KLC2: variants seen among roughly 807,000 people sequenced by gnomAD.
The protein encoded by KLC2 is kinesin light chain 2.
KLC2 carries 35 observed loss-of-function variants against 75.1 expected under a neutral mutation model. The observed-to-expected ratio is 0.47, with a 90% confidence interval of 0.36 to 0.62. The LOEUF (loss-of-function observed/expected upper bound fraction) is 0.62. KLC2 is among the 20% of genes least tolerant of loss of function. The pLI, the probability that KLC2 is intolerant of heterozygous loss-of-function variation, is 0.00. For missense variants in KLC2, 611 were observed against 833.2 expected (o/e 0.73, Z 3.28); for synonymous variants, 314 against 336.7 (o/e 0.93, Z 0.74).
At chr11:66,251,720 C>T in the KLC2 span, among the ~76,000 whole-genome samples, 7 of 152,102 alleles carry the variant, frequency 4.6e-5, no homozygotes, top group Admixed American at 2.0e-4. Context: ...TACAGTGAGC[C>T]GAGACAATGC....
At position 66,258,571 on chromosome 11, in the gene KLC2, C is replaced by T. The variant is rs974260921; in HGVS notation, c.-11-13C>T. 1.3e-5 allele frequency: 20 copies of T among 1,582,116 alleles called. No homozygotes were observed. The African/African-American group carries it at 2.3e-4, about 18-fold the overall frequency. On this transcript the variant is annotated splice_polypyrimidine_tract_variant and intron_variant, in intron 1 of 15. Transcript: ENST00000394067. ...GGCCCGGCGCCCGCCTGCCCGCACC[C>T]TCGTCCTCACAGACGCCACAGCCAT... is the stretch of plus-strand genomic sequence containing the variant.
the KLC2 span, among the ~76,000 whole-genome samples, chr11:66,250,931 G>C: frequency 3.3e-5 from 5 of 152,362 alleles, no homozygotes; most frequent in African/African-American, 1.2e-4. Context: ...AGCAAGGACT[G>C]CACACTCTGT....
chr11:66,263,149 C>T, intron 5 of KLC2, 113 bp downstream of exon 5: 1 of 726,538 alleles, frequency 1.4e-6, no homozygotes, highest in South Asian at 1.7e-5. Context: ...TGGAGCTGGG[C>T]TACAGATGCA....
upstream of KLC2, among the ~76,000 whole-genome samples, chr11:66,253,264 C>T (rs992818481): frequency 3.9e-5 from 6 of 152,234 alleles, no homozygotes; most frequent in African/African-American, 1.2e-4. Flanking sequence ...CCACTGTGCC[C>T]GGCCATATCT....
chr11:66,253,972 C>T (rs1180589979), upstream of KLC2, among the ~76,000 whole-genome samples: 2 of 152,340 alleles, frequency 1.3e-5, no homozygotes, highest in South Asian at 2.1e-4. Context: ...GCTCCTTGGC[C>T]GGGCGCAGTG....
At chr11:66,256,730 T>C (rs757080425), upstream of KLC2, among the ~76,000 whole-genome samples, 1 of 152,198 alleles carries the variant, frequency 6.6e-6, no homozygotes, top group Non-Finnish European at 1.5e-5. Flanking sequence ...GTAACTGAGA[T>C]GTGTAAAATA....
At chr11:66,259,668 G>T (rs1382266513) in intron 2 of KLC2, 1 of 152,234 alleles carries the variant, frequency 6.6e-6, no homozygotes, top group East Asian at 1.9e-4. Flanking sequence ...ACTCTCTCTG[G>T]CTGAGATGTG....
At position 66,264,234 on chromosome 11, in the gene KLC2, A is replaced by G. The variant is rs1856648753; in HGVS notation, c.1116+15A>G. 6.4e-7 allele frequency: 1 copy of G among 1,568,902 alleles called. No homozygotes were observed. The highest frequency in any genetic ancestry group is 8.7e-7 in the Non-Finnish European group (1 of 1,155,804). On this transcript the variant is annotated intron_variant, in intron 8 of 15. Coordinates refer to ENST00000394067, the MANE Select transcript of KLC2 (RefSeq NM_001318734.2). ...AGAACAACCTGGTACCTTGGGGCTG[A>G]GAGGAGCTGGAGGATGGGAAGGAGG...
the KLC2 span, among the ~76,000 whole-genome samples, chr11:66,246,703 C>T: frequency 2.0e-5 from 3 of 152,186 alleles, no homozygotes; most frequent in African/African-American, 4.8e-5. Flanking sequence ...GTGTGTTCCC[C>T]GTCTCCACTT....
chr11:66,251,020 A>C, the KLC2 span, among the ~76,000 whole-genome samples: 1 of 152,234 alleles, frequency 6.6e-6, no homozygotes, highest in African/African-American at 2.4e-5. Context: ...TCCTTAATAC[A>C]ACACACCGGG....
At chr11:66,251,475 G>A in the KLC2 span, among the ~76,000 whole-genome samples, 6 of 129,686 alleles carry the variant, frequency 4.6e-5, 1 homozygote, top group African/African-American at 1.3e-4. Context: ...CTGGGCAGGC[G>A]ACAGAGTGAG....
intron 4 of KLC2, 112 bp from the exon 5 acceptor site, chr11:66,262,702 T>C: frequency 1.4e-6 from 1 of 736,490 alleles, no homozygotes. Flanking sequence ...GAAAGAGTGG[T>C]TAGTGACTTG....
At chr11:66,266,265 G>T in intron 14 of KLC2, 48 bp downstream of exon 14, 1 of 1,563,872 alleles carries the variant, frequency 6.4e-7, no homozygotes, top group South Asian at 1.2e-5. Context: ...AGCAACCCCG[G>T]ATGAGCTCCT....
chr11:66,263,854 G>C lies in KLC2; in HGVS notation c.844G>C (p.Ala282Pro). Residue 282 changes from alanine (A) to proline (P), a missense_variant, in exon 7 of 16, where the codon GCT (alanine) becomes CCT (proline). By Grantham distance (27) the Ala-to-Pro change is conservative. Coordinates refer to ENST00000394067, the MANE Select transcript of KLC2 (RefSeq NM_001318734.2). ...GCTTCCGTTCTCCCACCTCCAGGTGGCTGCGACACTAAACAACCTGGCAGT... is the reference window on the plus strand; with the variant it reads ...GCTTCCGTTCTCCCACCTCCAGGTGCCTGCGACACTAAACAACCTGGCAGT... ...KTLGKDHPAV[A>P]ATLNNLAVLY... 1 of 1,614,010 alleles carries C rather than the reference G, an allele frequency of 6.2e-7. No individual in the cohort carries two copies. Among genetic ancestry groups the C allele is most frequent in the Non-Finnish European group, 8.5e-7 (1 of 1,179,846 alleles).
the KLC2 span, chr11:66,245,105 C>G: frequency 6.6e-6 from 1 of 152,302 alleles, no homozygotes; most frequent in South Asian, 2.1e-4. Flanking sequence ...CCAGTGGGGT[C>G]TTTGCCTCTG....
At chr11:66,250,964 G>A in the KLC2 span, among the ~76,000 whole-genome samples, 20 of 152,320 alleles carry the variant, frequency 1.3e-4, no homozygotes, top group African/African-American at 4.8e-4. Flanking sequence ...GGGAGCTGGC[G>A]AAGGGACCTA....
At position 66,266,028 on chromosome 11, in the gene KLC2, G is replaced by C. The variant is rs781157336; in HGVS notation, c.1602+16G>C. The C allele has an allele frequency of 1.9e-6, 3 of 1,613,390 alleles. No homozygotes were observed. Among genetic ancestry groups the C allele is most frequent in the Middle Eastern group, 3.3e-4 (2 of 6,058 alleles). ...GTGGAATGGGGTGAGTCCGGGGCCTGGGCCGGGTCGGGCTGGGAGCCTAGG... is the reference window on the plus strand; with the variant it reads ...GTGGAATGGGGTGAGTCCGGGGCCTCGGCCGGGTCGGGCTGGGAGCCTAGG... On this transcript the variant is annotated intron_variant, in intron 13 of 15. Coordinates refer to ENST00000394067, the MANE Select transcript of KLC2 (RefSeq NM_001318734.2).
In KLC2 at chr11:66,264,149, G is replaced by A. The variant is rs1216768870; in HGVS notation, c.1046G>A (p.Arg349Gln). 2.5e-6 allele frequency: 4 copies of A among 1,578,608 alleles called. No individual in the cohort carries two copies. Among genetic ancestry groups the A allele is most frequent in the Non-Finnish European group, 3.4e-6 (4 of 1,161,232 alleles). The part of the protein sequence containing the change: ...KAEEVEYYYR[R>Q]ALEIYATRLG... ...GAGGAGGTGGAATATTACTATCGGC[G>A]GGCACTGGAGATCTATGCTACACGC... Residue 349 changes from arginine (R) to glutamine (Q), a missense_variant, in exon 8 of 16, where the codon CGG becomes CAG. By Grantham distance (43) the Arg-to-Gln change is conservative. Coordinates refer to ENST00000394067, the MANE Select transcript of KLC2 (RefSeq NM_001318734.2).
In KLC2 at chr11:66,267,051, T is replaced by C; in HGVS notation, c.*95T>C. 1 of 1,581,336 alleles carries C rather than the reference T, an allele frequency of 6.3e-7. No individual in the cohort carries two copies. On this transcript the variant is annotated 3_prime_UTR_variant, in exon 16 of 16. Coordinates refer to ENST00000394067, the MANE Select transcript of KLC2 (RefSeq NM_001318734.2). ...GCCTGCTGCTTGTCCCGCCTGTCTC[T>C]CCCACAGCCCCTGTCTTTTCTGTTC...
Sources: allele counts gnomAD v4.1 joint callset (sites outside exome capture counted in the v4.1 genomes callset), GRCh38; gene constraint gnomAD v4.1.1; transcripts MANE v1.5; gene names NCBI Gene and HGNC (gene_info 2026-07-23, HGNC 2026-07-21).